Variants in AMPD3 observed in about 807,000 individuals in gnomAD.
The protein encoded by AMPD3 is AMP deaminase 3.
A neutral mutation model predicts 82.3 loss-of-function variants in AMPD3; 57 were observed. That is an observed-to-expected ratio of 0.69 (90% CI 0.56 to 0.86). The LOEUF (loss-of-function observed/expected upper bound fraction) is 0.86, where lower values mean the gene tolerates loss of function less well. AMPD3 is among the 40% of genes least tolerant of loss of function. The pLI is 0.00. For synonymous variants in AMPD3, 381 were observed against 394.7 expected (o/e 0.97, Z 0.41); for missense variants, 870 against 1,003.8 (o/e 0.87, Z 1.80).
intron 1 of AMPD3, among the ~76,000 whole-genome samples, chr11:10,459,630 A>G (rs1209929111): frequency 6.6e-6 from 1 of 152,182 alleles, no homozygotes; most frequent in East Asian, 1.9e-4. Flanking sequence ...AACTGTGGTC[A>G]TAGGTAGATG....
At chr11:10,490,328 A>C (rs1849204867) in intron 6 of AMPD3, 1 of 193,350 alleles carries the variant, frequency 5.2e-6, no homozygotes, top group African/African-American at 2.4e-5. Context: ...ACTGTGGTTT[A>C]AGTGTCATAT....
intron 4 of AMPD3, 130 bp from the exon 5 acceptor site, chr11:10,484,690 A>C (rs1591467465): frequency 1.6e-6 from 2 of 1,257,732 alleles, no homozygotes; most frequent in Non-Finnish European, 1.1e-6. Flanking sequence ...AGGGAAGAGC[A>C]TATGAGATGC....
At chr11:10,477,414 C>T (rs1848772384) in intron 2 of AMPD3, among the ~76,000 whole-genome samples, 1 of 152,142 alleles carries the variant, frequency 6.6e-6, no homozygotes, top group African/African-American at 2.4e-5. Flanking sequence ...CAGACAGAAA[C>T]ATGAGGTAGG....
At chr11:10,492,155 G>C (rs2133915855) in intron 6 of AMPD3, among the ~76,000 whole-genome samples, 1 of 152,330 alleles carries the variant, frequency 6.6e-6, no homozygotes. Context: ...ATCCCATGAG[G>C]TGTTTTGAGA....
intron 5 of AMPD3, 145 bp downstream of exon 5, chr11:10,485,184 T>A: frequency 2.6e-6 from 2 of 762,010 alleles, no homozygotes; most frequent in Non-Finnish European, 4.4e-6. Context: ...TCCTCAGTGC[T>A]TTGCGGGTTT....
intron 4 of AMPD3, among the ~76,000 whole-genome samples, chr11:10,483,725 C>G (rs940621957): frequency 6.6e-6 from 1 of 152,278 alleles, no homozygotes; most frequent in African/African-American, 2.4e-5. Context: ...CCCTCTCCAG[C>G]TCTGCCTGCA....
At chr11:10,476,417 C>T (rs1848736128) in intron 2 of AMPD3, among the ~76,000 whole-genome samples, 1 of 151,786 alleles carries the variant, frequency 6.6e-6, no homozygotes, top group Non-Finnish European at 1.5e-5. Context: ...CTAGGACAAG[C>T]CTGGTAGGCT....
In AMPD3 at chr11:10,478,764, G is replaced by A. The variant is rs564719204; in HGVS notation, c.426+34G>A. The A allele has an allele frequency of 3.7e-6, 6 of 1,602,828 alleles. No homozygotes were observed. In the Admixed American group the frequency reaches 1.0e-4, roughly 27 times the overall value. ...TCTGTGAGAGTGTTGAATGTGCCTT[G>A]CATGCAAAGGCCAGGGGCCCCATGG... On this transcript the variant is annotated intron_variant, in intron 3 of 14. Coordinates refer to ENST00000396553, the MANE Select transcript of AMPD3 (RefSeq NM_001025389.2).
chr11:10,502,741 C>G lies in AMPD3; in HGVS notation c.1863C>G (p.Leu621=). The G allele has an allele frequency of 1.9e-6, 3 of 1,614,218 alleles. No individual in the cohort carries two copies. The highest frequency in any genetic ancestry group is 2.5e-6 in the Non-Finnish European group (3 of 1,180,032). ...TGCAGAGTCCGGTATTGCAGTATCT[C>G]TACTACCTTGCTCAGATCCCCATTG... ...LLKKSPVLQY[L]YYLAQIPIAM... The change falls in exon 13 of 15, where the codon CTC becomes CTG. Residue 621 remains leucine (L), a synonymous_variant. Transcript: ENST00000396553.
At chr11:10,472,735 G>T (rs569454276) in intron 2 of AMPD3, among the ~76,000 whole-genome samples, 83 of 152,128 alleles carry the variant, frequency 5.5e-4, no homozygotes, top group Non-Finnish European at 1.1e-3. Context: ...TGGGCGCGGT[G>T]GCTCACACCT....
intron 11 of AMPD3, chr11:10,500,557 A>G: frequency 9.3e-6 from 9 of 967,186 alleles, no homozygotes; most frequent in Non-Finnish European, 1.1e-5. Context: ...ATGTACACAC[A>G]CCAGGGCACA....
chr11:10,473,374 G>A, intron 2 of AMPD3: 1 of 985,146 alleles, frequency 1.0e-6, no homozygotes, highest in East Asian at 1.1e-4. Flanking sequence ...TCTTTAGGGA[G>A]GAAGGGCAGC....
chr11:10,493,661 TTCTA>T lies in AMPD3; in HGVS notation c.1134+122_1134+125del, dbSNP rs759558505. The T allele has an allele frequency of 2.1e-5, 25 of 1,163,044 alleles. 1 individual carries two copies. The highest frequency in any genetic ancestry group is 3.0e-5 in the Non-Finnish European group (24 of 803,698). 72.0% of individuals were successfully genotyped at this position (1,163,044 alleles called of 1,614,324 possible). ...GAGGTGCTACGGAAGCAGCTTTCTC[TTCTA>T]TCTGACTGAGAGGTCATGCGGCCTC... On this transcript the variant is annotated intron_variant, in intron 7 of 14. Coordinates refer to ENST00000396553, the MANE Select transcript of AMPD3 (RefSeq NM_001025389.2).
chr11:10,452,058 A>C (rs1242467842), upstream of AMPD3, among the ~76,000 whole-genome samples: 1 of 152,168 alleles, frequency 6.6e-6, no homozygotes, highest in Non-Finnish European at 1.5e-5. Context: ...TGACACCTGC[A>C]TAGGTGGTGG....
At chr11:10,481,327 A>T (rs1848897831) in intron 3 of AMPD3, 1 of 557,350 alleles carries the variant, frequency 1.8e-6, no homozygotes, top group Non-Finnish European at 2.3e-6. Context: ...AGGACACATG[A>T]ATTTTCTCAA....
In AMPD3 at chr11:10,485,136, G is replaced by C. The variant is rs567256658; in HGVS notation, c.809+97G>C. The C allele has an allele frequency of 4.3e-6, 5 of 1,168,320 alleles. No individual in the cohort carries two copies. The East Asian group carries it at 1.3e-4, about 30-fold the overall frequency. 72.4% of individuals were successfully genotyped at this position (1,168,320 alleles called of 1,614,324 possible). A position where few individuals can be genotyped will look rare whatever the true frequency, so the allele number is the denominator to read the frequency against. ...TCACCCCTCTGCCCTGGGGTCCCCT[G>C]TACTTAAAGCATCCCAGAAAGAGCG... is the stretch of plus-strand genomic sequence containing the variant. On this transcript the variant is annotated intron_variant, in intron 5 of 14. Coordinates refer to ENST00000396553, the MANE Select transcript of AMPD3 (RefSeq NM_001025389.2).
rs370726090 is a variant in AMPD3, at chr11:10,478,737, C to A, written c.426+7C>A. ...CGGAGATTACTGTGCCGGGGTAAGG[C>A]GTCTGTGAGAGTGTTGAATGTGCCT... On this transcript the variant is annotated splice_region_variant and intron_variant, in intron 3 of 14. Transcript: ENST00000396553. 5.2e-5 allele frequency: 84 copies of A among 1,609,914 alleles called. No individual in the cohort carries two copies. The African/African-American group carries it at 9.9e-4, about 19-fold the overall frequency.
intron 2 of AMPD3, among the ~76,000 whole-genome samples, chr11:10,475,149 G>A (rs1025663428): frequency 2.6e-5 from 4 of 152,174 alleles, no homozygotes; most frequent in Admixed American, 2.6e-4. Context: ...TTGACTCATG[G>A]TGAAGGCAAA....
intron 14 of AMPD3, chr11:10,504,968 G>A (rs1030365551): frequency 4.0e-6 from 1 of 252,608 alleles, no homozygotes; most frequent in African/African-American, 2.3e-5. Context: ...CTGATGTTTA[G>A]TTATGTGTTT....
Sources: gnomAD v4.1 joint callset for allele counts (sites outside exome capture counted in the v4.1 genomes callset) on GRCh38, gnomAD v4.1.1 for gene constraint, MANE v1.5 for transcripts, NCBI Gene and HGNC (gene_info 2026-07-23, HGNC 2026-07-21) for gene names.